Variants in GABRB2 observed in about 807,000 individuals in gnomAD.
GABRB2 encodes the protein gamma-aminobutyric acid receptor subunit beta-2.
A neutral mutation model predicts 54.7 loss-of-function variants in GABRB2; 16 were observed. That is an observed-to-expected ratio of 0.29 (90% confidence interval 0.20 to 0.44). The LOEUF (loss-of-function observed/expected upper bound fraction) is 0.44. Ranked by LOEUF, GABRB2 falls within the 20% of genes least tolerant of loss-of-function variation. The probability of loss-of-function intolerance (pLI) is 1.00; values close to 1 mark genes in which losing one functional copy is unlikely to be tolerated. For synonymous variants in GABRB2, 244 were observed against 233.8 expected, an observed-to-expected ratio of 1.04 and a Z score of -0.40; for missense variants, 355 against 644.0, an observed-to-expected ratio of 0.55 and a Z score of 4.86.
chr5:161,501,836 T>C (rs931586914), intron 3 of GABRB2, among the ~76,000 whole-genome samples: 20 of 150,476 alleles, frequency 1.3e-4, no homozygotes, highest in African/African-American at 4.6e-4. Context: ...TAATATGAAA[T>C]ATAACCTAAT....
intron 4 of GABRB2, among the ~76,000 whole-genome samples, chr5:161,433,118 G>A (rs1757215089): frequency 6.6e-6 from 1 of 151,942 alleles, no homozygotes; most frequent in African/African-American, 2.4e-5. Context: ...AGCTGTAACA[G>A]GTATTATGTG....
chr5:161,512,090 A>G (rs1759789441), intron 3 of GABRB2, among the ~76,000 whole-genome samples: 1 of 152,054 alleles, frequency 6.6e-6, no homozygotes, highest in African/African-American at 2.4e-5. Flanking sequence ...AGTATCTATA[A>G]AAGTCAATTA....
At chr5:161,520,500 T>C (rs1041631160) in intron 3 of GABRB2, among the ~76,000 whole-genome samples, 6 of 152,150 alleles carry the variant, frequency 3.9e-5, no homozygotes, top group African/African-American at 1.4e-4. Flanking sequence ...AGTTACTGGC[T>C]GCCCACTATT....
intron 5 of GABRB2, among the ~76,000 whole-genome samples, chr5:161,394,409 G>A (rs1011466733): frequency 6.6e-6 from 1 of 151,952 alleles, no homozygotes; most frequent in Non-Finnish European, 1.5e-5. Flanking sequence ...AACTAACAGA[G>A]TCAGAAGATG....
intron 3 of GABRB2, among the ~76,000 whole-genome samples, chr5:161,473,437 C>A (rs1258631606): frequency 1.3e-5 from 2 of 152,008 alleles, no homozygotes; most frequent in Admixed American, 6.6e-5. Context: ...ATTGTACTTA[C>A]CTCGAGGAGG....
Position 161,545,220 on chromosome 5 carries a change from T to C in GABRB2, c.237+7A>G, listed in dbSNP as rs922914565. 7.5e-6 allele frequency: 12 copies of C among 1,597,128 alleles called. No homozygotes were observed. Among genetic ancestry groups the C allele is most frequent in the Non-Finnish European group, 8.5e-6 (10 of 1,172,078 alleles). ...GCAAAGAAGTAGTCATAAATGTCAA[T>C]ACTCACCATATTGACTTCAGAAACC... On this transcript the variant is annotated splice_region_variant and intron_variant, in intron 3 of 9. Transcript: ENST00000393959.
At chr5:161,489,075 T>G (rs2113347851) in intron 3 of GABRB2, among the ~76,000 whole-genome samples, 1 of 151,888 alleles carries the variant, frequency 6.6e-6, no homozygotes, top group East Asian at 1.9e-4. Flanking sequence ...CTATGAAATC[T>G]AATGAAACCG....
At chr5:161,325,215 A>G (rs1334656296) in intron 9 of GABRB2, among the ~76,000 whole-genome samples, 1 of 152,160 alleles carries the variant, frequency 6.6e-6, no homozygotes, top group East Asian at 1.9e-4. Flanking sequence ...AAGCGTAACT[A>G]AAGTTAAAAA....
At chr5:161,368,727 G>A (rs1755044650) in intron 5 of GABRB2, among the ~76,000 whole-genome samples, 1 of 152,184 alleles carries the variant, frequency 6.6e-6, no homozygotes, top group Admixed American at 6.6e-5. Flanking sequence ...AACAAGACAT[G>A]ATAAAGACTT....
intron 3 of GABRB2, among the ~76,000 whole-genome samples, chr5:161,529,351 C>A (rs1311759764): frequency 1.3e-5 from 2 of 151,890 alleles, no homozygotes; most frequent in South Asian, 2.1e-4. Context: ...TAACAATCAA[C>A]CTGGGAGACT....
rs778814325 is a variant in GABRB2 at position 161,289,629 on chromosome 5, T to C, written c.*4452A>G. 3.9e-5 allele frequency: 6 copies of C among 152,154 alleles called. No homozygotes were observed. The highest frequency in any genetic ancestry group is 7.4e-5 in the Non-Finnish European group (5 of 68,026). The allele number at this position is 152,154 out of a possible 1,614,324, so 9.4% of individuals were successfully genotyped here. On this transcript the variant is annotated 3_prime_UTR_variant, in exon 10 of 10. Coordinates refer to ENST00000393959, the MANE Select transcript of GABRB2 (RefSeq NM_001371727.1). The stretch of plus-strand genomic sequence containing the variant: ...AACTTTGGTTTCTTGAACTCTGACA[T>C]ATAAAAAAGTCTATTAAGTTATCAA...
At chr5:161,494,251 T>C (rs766334315) in intron 3 of GABRB2, among the ~76,000 whole-genome samples, 15 of 151,806 alleles carry the variant, frequency 9.9e-5, no homozygotes, top group Non-Finnish European at 2.2e-4. Flanking sequence ...TTGTAATCTA[T>C]TTAGAAAGAT....
intron 8 of GABRB2, among the ~76,000 whole-genome samples, chr5:161,328,816 C>A (rs985990782): frequency 6.6e-6 from 1 of 152,018 alleles, no homozygotes; most frequent in Non-Finnish European, 1.5e-5. Flanking sequence ...AAACCTCATC[C>A]TATAGTTTTT....
In GABRB2 at chr5:161,496,769, A is replaced by T. The variant is rs181991553; in HGVS notation, c.238-36925T>A. Among the ~76,000 whole-genome samples the T allele has an allele frequency of 2.7e-3, 404 of 152,242 alleles. 1 individual carries two copies. Among genetic ancestry groups the T allele is most frequent in the Non-Finnish European group, 4.6e-3 (311 of 67,994 alleles). On this transcript the variant is annotated intron_variant, in intron 3 of 9. Transcript: ENST00000393959. ...TTTTAGACACCACCAATACTCTTGT[A>T]CTGGATAATGTGATATTTTTCTTTG... is the stretch of plus-strand genomic sequence containing the variant.
chr5:161,493,499 C>T lies in GABRB2; in HGVS notation c.238-33655G>A, dbSNP rs948422268. ...TCACCTTTTTATATGCTAGGTTTCACTGAGCTACTTAATTTACAAATTTAC... is the reference window on the plus strand; with the variant it reads ...TCACCTTTTTATATGCTAGGTTTCATTGAGCTACTTAATTTACAAATTTAC... On this transcript the variant is annotated intron_variant, in intron 3 of 9. Transcript: ENST00000393959. 2.0e-5 allele frequency among the ~76,000 whole-genome samples: 3 copies of T among 151,538 alleles called. No homozygotes were observed. In the South Asian group the frequency reaches 6.2e-4, roughly 31 times the overall value.
At chr5:161,315,966 G>A (rs529099471) in intron 9 of GABRB2, among the ~76,000 whole-genome samples, 2 of 152,064 alleles carry the variant, frequency 1.3e-5, no homozygotes, top group Non-Finnish European at 2.9e-5. Flanking sequence ...TTGTTAAAGC[G>A]AATAGGTTTT....
chr5:161,435,116 G>A (rs1283244600), intron 4 of GABRB2, among the ~76,000 whole-genome samples: 1 of 152,062 alleles, frequency 6.6e-6, no homozygotes, highest in Non-Finnish European at 1.5e-5. Context: ...CTTAAAAATA[G>A]CACTTTATTT....
At chr5:161,407,728 G>T (rs1156541244) in intron 5 of GABRB2, among the ~76,000 whole-genome samples, 1 of 152,018 alleles carries the variant, frequency 6.6e-6, no homozygotes, top group Non-Finnish European at 1.5e-5. Context: ...GACAAAATAT[G>T]GTGAGTTGCC....
intron 3 of GABRB2, among the ~76,000 whole-genome samples, chr5:161,507,367 T>C (rs886330757): frequency 4.6e-5 from 7 of 152,108 alleles, no homozygotes; most frequent in Admixed American, 4.6e-4. Flanking sequence ...TCTTGATAAA[T>C]ATAACATGGT....
Sources: allele counts gnomAD v4.1 joint callset (sites outside exome capture counted in the v4.1 genomes callset), GRCh38; gene constraint gnomAD v4.1.1; transcripts MANE v1.5; gene names NCBI Gene and HGNC (gene_info 2026-07-23, HGNC 2026-07-21).